The following DCAF1 variants were observed in gnomAD, a reference collection of about 807,000 sequenced individuals.
DCAF1 encodes the protein DDB1- and CUL4-associated factor 1.
DCAF1 carries 15 observed loss-of-function variants against 128.0 expected under a neutral mutation model. That is an observed-to-expected ratio of 0.12 (90% CI 0.08 to 0.18). The LOEUF (loss-of-function observed/expected upper bound fraction) is 0.18. Ranked by LOEUF, DCAF1 falls within the 10% of genes least tolerant of loss-of-function variation. The pLI is 1.00. For missense variants in DCAF1, 988 were observed against 1,649.5 expected (o/e 0.60, Z 6.95); for synonymous variants, 610 against 603.0 (o/e 1.01, Z -0.17).
intron 18 of DCAF1, 21 bp downstream of exon 18, chr3:51,416,766 C>G: frequency 6.3e-7 from 1 of 1,599,410 alleles, no homozygotes; most frequent in Admixed American, 1.7e-5. Flanking sequence ...AGCTTGAAAA[C>G]AGTGGTTCTT....
intron 21 of DCAF1, 42 bp from the exon 22 acceptor site, chr3:51,413,108 T>A: frequency 6.2e-7 from 1 of 1,611,564 alleles, no homozygotes. Flanking sequence ...GGACTATTGC[T>A]GTGACCCTAA....
intron 6 of DCAF1, among the ~76,000 whole-genome samples, chr3:51,454,032 A>G (rs1379945627): frequency 6.6e-6 from 1 of 151,812 alleles, no homozygotes; most frequent in Non-Finnish European, 1.5e-5. Context: ...AAATATTTAC[A>G]TTACGTCTAA....
At chr3:51,487,503 T>C (rs1377555722) in intron 2 of DCAF1, among the ~76,000 whole-genome samples, 3 of 152,210 alleles carry the variant, frequency 2.0e-5, no homozygotes, top group Non-Finnish European at 4.4e-5. Flanking sequence ...TGATCTCATC[T>C]AGGATACACT....
At chr3:51,466,944 C>G (rs1218635253) in intron 4 of DCAF1, 68 bp from the exon 5 acceptor site, 7 of 1,433,934 alleles carry the variant, frequency 4.9e-6, no homozygotes, top group Non-Finnish European at 6.8e-6. Context: ...CAACTTAGAC[C>G]TCTGGAAAGG....
intron 22 of DCAF1, 134 bp from the exon 23 acceptor site, chr3:51,412,614 G>C (rs1171758125): frequency 1.4e-6 from 2 of 1,431,046 alleles, no homozygotes; most frequent in East Asian, 4.9e-5. Context: ...TTCTTGAGCT[G>C]ACTATGAAAA....
At chr3:51,444,733 T>C (rs1701681005) in intron 6 of DCAF1, among the ~76,000 whole-genome samples, 1 of 152,070 alleles carries the variant, frequency 6.6e-6, no homozygotes, top group Non-Finnish European at 1.5e-5. Context: ...TGGAGTGCAG[T>C]GGCACAATCT....
chr3:51,432,434 T>C (rs1322002496), intron 10 of DCAF1, among the ~76,000 whole-genome samples: 2 of 151,172 alleles, frequency 1.3e-5, no homozygotes, highest in Non-Finnish European at 2.9e-5. Flanking sequence ...TGTGTGTGAA[T>C]GAATCAGTGA....
At chr3:51,472,623 A>T (rs1704887843) in intron 3 of DCAF1, among the ~76,000 whole-genome samples, 1 of 151,692 alleles carries the variant, frequency 6.6e-6, no homozygotes, top group South Asian at 2.1e-4. Flanking sequence ...ATGCTTTGAG[A>T]GTCATCCATG....
At position 51,403,213 on chromosome 3, in the gene DCAF1, T is replaced by C; in HGVS notation, c.4395A>G (p.Leu1465=). The C allele has an allele frequency of 6.2e-7, 1 of 1,613,908 alleles. No individual in the cohort carries two copies. The highest frequency in any genetic ancestry group is 8.5e-7 in the Non-Finnish European group (1 of 1,179,846). The change falls in exon 24 of 25, where the codon CTA becomes CTG. Residue 1465 remains leucine, a synonymous_variant. Transcript: ENST00000684031. ...SPSDEELANL[L]EEGEDGEDED... is the part of the protein sequence containing the mutation. ...CATCCTCCCCGTCCTCTCCCTCCTCTAGAAGGTTTGCTAGCTCCTCATCAG... is the reference window on the plus strand; with the variant it reads ...CATCCTCCCCGTCCTCTCCCTCCTCCAGAAGGTTTGCTAGCTCCTCATCAG...
chr3:51,458,974 A>G (rs1157713971), intron 6 of DCAF1, among the ~76,000 whole-genome samples: 2 of 152,228 alleles, frequency 1.3e-5, no homozygotes, highest in Non-Finnish European at 2.9e-5. Flanking sequence ...AAAGATCTAA[A>G]ACTGACACCC....
chr3:51,483,637 G>GTGTGTGTA lies in DCAF1; in HGVS notation c.110+81_110+82insTACACACA, dbSNP rs1553653901. On this transcript the variant is annotated intron_variant, in intron 3 of 24. Transcript: ENST00000684031. Reference sequence around the variant, plus strand: ...TGTGTGTGTGTGTGTGTGTGTGTGTGTGTGTGTGTATGAAGAAATCTAGCG... The same window carrying GTGTGTGTA: ...TGTGTGTGTGTGTGTGTGTGTGTGTGTGTGTGTATGTGTGTGTATGAAGAAATCTAGCG... 611 of 863,708 alleles carry GTGTGTGTA rather than the reference G, an allele frequency of 7.1e-4. 4 individuals carry two copies. In the East Asian group the frequency reaches 0.014, roughly 20 times the overall value. The allele number at this position is 863,708 out of a possible 1,614,324, so 53.5% of individuals were successfully genotyped here.
At chr3:51,461,352 C>T (rs1315402345) in intron 6 of DCAF1, among the ~76,000 whole-genome samples, 4 of 152,124 alleles carry the variant, frequency 2.6e-5, no homozygotes, top group African/African-American at 9.7e-5. Context: ...CAAATCAAAA[C>T]CACAATGAGA....
Position 51,398,786 on chromosome 3 carries a change from A to G in DCAF1, c.4507T>C (p.Leu1503=). The change falls in exon 25 of 25, where the codon TTA becomes CTA. Residue 1503 remains leucine, a synonymous_variant. Coordinates refer to ENST00000684031, the MANE Select transcript of DCAF1 (RefSeq NM_001387579.1). ...ATGGCTCCTCACTCATTCAGAGATAAGATGATGTCATCTTCCAAATCAGAG... is the reference window on the plus strand; with the variant it reads ...ATGGCTCCTCACTCATTCAGAGATAGGATGATGTCATCTTCCAAATCAGAG... ...DNSDLEDDII[L]SLNE is the part of the protein sequence containing the mutation. 6.3e-7 allele frequency: 1 copy of G among 1,591,234 alleles called. No individual in the cohort carries two copies. Among genetic ancestry groups the G allele is most frequent in the Non-Finnish European group, 8.6e-7 (1 of 1,168,278 alleles).
chr3:51,492,406 C>G (rs181507650), intron 2 of DCAF1, among the ~76,000 whole-genome samples: 1 of 151,676 alleles, frequency 6.6e-6, no homozygotes, highest in East Asian at 2.0e-4. Context: ...CCCAGCTACT[C>G]GGGAGGTTGA....
chr3:51,423,304 C>A (rs1255846827), intron 13 of DCAF1, among the ~76,000 whole-genome samples: 3 of 151,714 alleles, frequency 2.0e-5, no homozygotes, highest in African/African-American at 7.3e-5. Flanking sequence ...CTAGCCTGGG[C>A]AACATGGCCA....
intron 13 of DCAF1, among the ~76,000 whole-genome samples, chr3:51,427,156 T>C (rs1553634262): frequency 1.3e-5 from 2 of 152,346 alleles, no homozygotes; most frequent in Non-Finnish European, 2.9e-5. Flanking sequence ...TCCTTGCCTA[T>C]TATGCAAATT....
At chr3:51,427,083 A>T (rs1191169382) in intron 13 of DCAF1, among the ~76,000 whole-genome samples, 1 of 152,234 alleles carries the variant, frequency 6.6e-6, no homozygotes, top group African/African-American at 2.4e-5. Flanking sequence ...ACAAGACTTT[A>T]ACCCCAGCTC....
chr3:51,441,907 G>C lies in DCAF1; in HGVS notation c.514-10C>G, dbSNP rs781831983. 50 of 1,569,618 alleles carry C rather than the reference G, an allele frequency of 3.2e-5. No homozygotes were observed. The South Asian group carries it at 5.5e-4, about 17-fold the overall frequency. ...GAAGCACTATTGCCACCTATCAACA[G>C]ATAATTGGAGAAAAAGGGGGTGCCT... On this transcript the variant is annotated splice_polypyrimidine_tract_variant and intron_variant, in intron 7 of 24. Coordinates refer to ENST00000684031, the MANE Select transcript of DCAF1 (RefSeq NM_001387579.1).
At chr3:51,501,303 T>C (rs1708796277), upstream of DCAF1, among the ~76,000 whole-genome samples, 1 of 152,162 alleles carries the variant, frequency 6.6e-6, no homozygotes, top group Admixed American at 6.6e-5. Flanking sequence ...GTGAGCGACT[T>C]GCCCAGCATC....
Sources: allele counts gnomAD v4.1 joint callset (sites outside exome capture counted in the v4.1 genomes callset), GRCh38; gene constraint gnomAD v4.1.1; transcripts MANE v1.5; gene names NCBI Gene and HGNC (gene_info 2026-07-23, HGNC 2026-07-21).